The following ANKRD11 variants were observed in gnomAD, a reference collection of about 807,000 sequenced individuals.
ANKRD11 encodes the protein ankyrin repeat domain-containing protein 11.
Under a neutral mutation model 195.7 loss-of-function variants are expected in ANKRD11, and 17 were observed. That is an observed-to-expected ratio of 0.09 (90% CI 0.06 to 0.13). The LOEUF (loss-of-function observed/expected upper bound fraction) is 0.13. Ranked by LOEUF, ANKRD11 falls within the 10% of genes least tolerant of loss-of-function variation. The pLI is 1.00. For missense variants in ANKRD11, 3,735 were observed against 3,566.1 expected (o/e 1.05, Z -1.21); for synonymous variants, 1,953 against 1,528.1 (o/e 1.28, Z -6.49).
At chr16:89,387,559 G>A (rs1180421447) in intron 2 of ANKRD11, among the ~76,000 whole-genome samples, 3 of 151,374 alleles carry the variant, frequency 2.0e-5, no homozygotes, top group African/African-American at 7.3e-5. Flanking sequence ...TGTACTCCCA[G>A]CTACTCGGGA....
chr16:89,281,850 T>C lies in ANKRD11; in HGVS notation c.4692A>G (p.Lys1564=), dbSNP rs768219021. ...GGAGCTTCTCCCTGGGCCTGGCGTC[T>C]TTCTTGCCTGGGTCTTTGGATGGCG... ...KVAPSKDPGK[K]DARPREKLLG... Residue 1564 remains lysine (K), a synonymous_variant, in exon 9 of 13, where the codon AAA becomes AAG. Coordinates refer to ENST00000301030, the MANE Select transcript of ANKRD11 (RefSeq NM_013275.6). The surrounding 1 kb of genome is among the most constrained non-coding windows in gnomAD (Gnocchi z 5.5). 4 of 1,613,912 alleles carry C rather than the reference T, an allele frequency of 2.5e-6. No homozygotes were observed. The highest frequency in any genetic ancestry group is 3.4e-6 in the Non-Finnish European group (4 of 1,180,028).
At chr16:89,427,189 T>C (rs2042751141) in intron 1 of ANKRD11, among the ~76,000 whole-genome samples, 1 of 152,224 alleles carries the variant, frequency 6.6e-6, no homozygotes, top group South Asian at 2.1e-4. Flanking sequence ...AAAGAATATT[T>C]AGCAACAAAT....
At chr16:89,437,968 C>T (rs1423369956) in intron 1 of ANKRD11, among the ~76,000 whole-genome samples, 2 of 152,172 alleles carry the variant, frequency 1.3e-5, no homozygotes, top group Non-Finnish European at 2.9e-5. Flanking sequence ...AGAAAAATTC[C>T]TGGATACAAA....
intron 1 of ANKRD11, among the ~76,000 whole-genome samples, chr16:89,446,001 T>TAAA (rs756294025): frequency 8.2e-6 from 1 of 121,436 alleles, no homozygotes; most frequent in Non-Finnish European, 1.8e-5. Context: ...AATTTTTTGT[T>TAAA]AAAAAAAAAA....
intron 1 of ANKRD11, among the ~76,000 whole-genome samples, chr16:89,440,504 C>A (rs747902362): frequency 1.1e-4 from 17 of 152,048 alleles, no homozygotes; most frequent in Non-Finnish European, 2.2e-4. Flanking sequence ...TAGTCCCAGG[C>A]ACTCAGGAGG....
chr16:89,310,214 T>C (rs1267052682), intron 3 of ANKRD11, among the ~76,000 whole-genome samples: 1 of 152,014 alleles, frequency 6.6e-6, no homozygotes, highest in African/African-American at 2.4e-5. Context: ...ATGTGCGGGG[T>C]CCGCCTGTGT....
At chr16:89,412,638 T>C (rs2042145981) in intron 2 of ANKRD11, 1 of 152,064 alleles carries the variant, frequency 6.6e-6, no homozygotes. Flanking sequence ...TCAATTTAAA[T>C]AGAACTTACT....
At chr16:89,278,697 A>C in intron 9 of ANKRD11, 1 of 478,834 alleles carries the variant, frequency 2.1e-6, no homozygotes, top group Non-Finnish European at 4.1e-6. Flanking sequence ...GGGGCGGGGC[A>C]GGGGCAGGAG....
Position 89,391,872 on chromosome 16 carries a change from T to C in ANKRD11, c.-60+26412A>G, listed in dbSNP as rs546224120. Among the ~76,000 whole-genome samples the C allele has an allele frequency of 6.6e-5, 10 of 152,388 alleles. No individual in the cohort carries two copies. The East Asian group carries it at 1.9e-3, about 29-fold the overall frequency. On this transcript the variant is annotated intron_variant, in intron 2 of 12. Transcript: ENST00000301030. ...CTGCTAGCCTTAATAAAGAAATCAA[T>C]GTACTTTATGTTCTTAGCTCCCACA...
intron 11 of ANKRD11, among the ~76,000 whole-genome samples, chr16:89,274,046 C>T (rs2033420893): frequency 2.0e-5 from 3 of 152,106 alleles, no homozygotes; most frequent in South Asian, 2.1e-4. Context: ...CTGATGCAGG[C>T]GAGGCAACGG....
At chr16:89,396,957 TGGG>T (rs1479196748) in intron 2 of ANKRD11, among the ~76,000 whole-genome samples, 1 of 108,636 alleles carries the variant, frequency 9.2e-6, no homozygotes, top group Non-Finnish European at 2.2e-5. Context: ...AGAGCACTGG[TGGG>T]ATTATAGGCA....
intron 1 of ANKRD11, among the ~76,000 whole-genome samples, chr16:89,418,824 G>C (rs2042400216): frequency 6.6e-6 from 1 of 151,438 alleles, no homozygotes; most frequent in South Asian, 2.1e-4. Context: ...GAGTGCAGTG[G>C]CGTGATCTCA....
intron 6 of ANKRD11, 150 bp from the exon 7 acceptor site, chr16:89,288,820 T>C: frequency 9.3e-7 from 1 of 1,079,812 alleles, no homozygotes; most frequent in Non-Finnish European, 1.4e-6. Context: ...GGGAAGCAGG[T>C]GCTGGCCCAG....
At chr16:89,475,356 G>C (rs74037207) in intron 1 of ANKRD11, among the ~76,000 whole-genome samples, 4,129 of 152,256 alleles carry the variant, frequency 0.027, 190 homozygotes, top group African/African-American at 0.094. Context: ...TCATCACCAG[G>C]TGACTGCTGC....
At chr16:89,475,514 A>G (rs1842006258) in intron 1 of ANKRD11, among the ~76,000 whole-genome samples, 1 of 152,236 alleles carries the variant, frequency 6.6e-6, no homozygotes, top group Non-Finnish European at 1.5e-5. Context: ...AAGAATTTTG[A>G]TAAAGAACTA....
At chr16:89,442,722 G>A (rs2043576474) in intron 1 of ANKRD11, among the ~76,000 whole-genome samples, 1 of 152,294 alleles carries the variant, frequency 6.6e-6, no homozygotes, top group South Asian at 2.1e-4. Context: ...AATGTTGCTG[G>A]AACCCAGACA....
intron 2 of ANKRD11, among the ~76,000 whole-genome samples, chr16:89,386,923 G>A (rs955656894): frequency 2.0e-5 from 3 of 152,004 alleles, no homozygotes; most frequent in Non-Finnish European, 2.9e-5. Context: ...CCCACGCCTC[G>A]ACCACCGAGT....
At chr16:89,317,482 G>A (rs568155503) in intron 2 of ANKRD11, among the ~76,000 whole-genome samples, 5 of 152,170 alleles carry the variant, frequency 3.3e-5, no homozygotes, top group Admixed American at 6.5e-5. Context: ...AACACGCAGC[G>A]CAGTACCCCA....
rs1555560066 is a variant in ANKRD11 at position 89,381,354 on chromosome 16, A to AAAAAAAG, written c.-60+36929_-60+36930insCTTTTTT. ...TGCAAAAAAAAAAAAAAAAAAAAAAAGGGGTGAGAAGGGCAAGCAAGAGTT... is the reference window on the plus strand; with the variant it reads ...TGCAAAAAAAAAAAAAAAAAAAAAAAAAAAAAGGGGGTGAGAAGGGCAAGCAAGAGTT... On this transcript the variant is annotated intron_variant, in intron 2 of 12. Transcript: ENST00000301030. Among the ~76,000 whole-genome samples, 104 of 125,322 alleles carry AAAAAAAG rather than the reference A, an allele frequency of 8.3e-4. 3 individuals are homozygous for AAAAAAAG. The highest frequency in any genetic ancestry group is 3.1e-3 in the African/African-American group (95 of 30,378). 82.2% of individuals were successfully genotyped at this position (125,322 alleles called of 152,430 possible).
Sources: allele counts gnomAD v4.1 joint callset (sites outside exome capture counted in the v4.1 genomes callset), GRCh38; gene constraint gnomAD v4.1.1; non-coding constraint Gnocchi (gnomAD v3.1); transcripts MANE v1.5; gene names NCBI Gene and HGNC (gene_info 2026-07-23, HGNC 2026-07-21).